The following ADAMTSL1 variants were observed in gnomAD, a reference collection of about 807,000 sequenced individuals.
ADAMTSL1 encodes ADAMTS like 1.
In ADAMTSL1, 126 loss-of-function variants were observed where a neutral mutation model predicts 201.8. That is an observed-to-expected ratio of 0.62 (90% CI 0.54 to 0.72). The LOEUF is 0.72. Ranked by LOEUF, ADAMTSL1 falls within the 30% of genes least tolerant of loss-of-function variation. The pLI is 0.00. For synonymous variants in ADAMTSL1, 1,121 were observed against 903.4 expected (o/e 1.24, Z -4.32); for missense variants, 2,679 against 2,277.8 (o/e 1.18, Z -3.59).
chr9:18,846,065 G>C (rs1325106308), intron 23 of ADAMTSL1, among the ~76,000 whole-genome samples: 1 of 152,108 alleles, frequency 6.6e-6, no homozygotes, highest in Non-Finnish European at 1.5e-5. Context: ...TGTGAGCCAA[G>C]GACACACAGT....
intron 1 of ADAMTSL1, among the ~76,000 whole-genome samples, chr9:18,116,861 C>G (rs1825273413): frequency 6.6e-6 from 1 of 152,144 alleles, no homozygotes; most frequent in African/African-American, 2.4e-5. Flanking sequence ...CTCTGGTATC[C>G]ACCTGTCTTC....
In ADAMTSL1 at chr9:18,777,063, A is replaced by T; in HGVS notation, c.2834A>T (p.Tyr945Phe). 6.2e-7 allele frequency: 1 copy of T among 1,613,276 alleles called. No homozygotes were observed. ...CTCAAGCCCTCGGATGCAGGCGTCT[A>T]CACCTGCTCAGCGGGCCCGGCCCGG... ...HRLKPSDAGVYTCSAGPAREH... is the reference protein window; with the variant it reads ...HRLKPSDAGVFTCSAGPAREH... Residue 945 changes from tyrosine to phenylalanine, a missense_variant, in exon 19 of 29, where the codon TAC (tyrosine) becomes TTC (phenylalanine). Coordinates refer to ENST00000380548, the MANE Select transcript of ADAMTSL1 (RefSeq NM_001040272.6).
At chr9:18,779,818 C>A (rs1384697184) in intron 19 of ADAMTSL1, among the ~76,000 whole-genome samples, 1 of 152,198 alleles carries the variant, frequency 6.6e-6, no homozygotes, top group Admixed American at 6.5e-5. Flanking sequence ...GTACCTATTA[C>A]ACCACTATGA....
intron 13 of ADAMTSL1, among the ~76,000 whole-genome samples, chr9:18,697,345 C>G (rs1392669738): frequency 6.6e-6 from 1 of 152,164 alleles, no homozygotes; most frequent in Admixed American, 6.5e-5. Flanking sequence ...CAAGAAACAT[C>G]TGTATCACCA....
intron 2 of ADAMTSL1, among the ~76,000 whole-genome samples, chr9:18,237,623 G>C (rs1460354361): frequency 6.6e-6 from 1 of 152,124 alleles, no homozygotes; most frequent in Non-Finnish European, 1.5e-5. Flanking sequence ...ACAAATACTT[G>C]ATTTACTTCT....
intron 4 of ADAMTSL1, among the ~76,000 whole-genome samples, chr9:18,591,134 A>G (rs753953051): frequency 6.6e-5 from 10 of 152,018 alleles, no homozygotes; most frequent in Admixed American, 1.3e-4. Context: ...GTGCCCTACT[A>G]TTTTTGTATT....
rs77608341 is a variant in ADAMTSL1 at position 18,057,996 on chromosome 9, G to A, written c.88-105866G>A. On this transcript the variant is annotated intron_variant, in intron 1 of 29. Coordinates refer to the ADAMTSL1 transcript ENST00000680146. ...CATTGTCTGCCTGGCTAGGCTATAA[G>A]TCAGCAGGGAAGGGTAAATCTGCTT... 9.0e-4 allele frequency among the ~76,000 whole-genome samples: 137 copies of A among 152,320 alleles called. 1 individual carries two copies. In the East Asian group the frequency reaches 0.02, roughly 23 times the overall value.
chr9:18,474,316 A>G, intron 1 of ADAMTSL1, 21 bp downstream of exon 1: 1 of 1,613,578 alleles, frequency 6.2e-7, no homozygotes, highest in Non-Finnish European at 8.5e-7. Flanking sequence ...TTTCATTTCA[A>G]TGCATTGCTA....
chr9:18,344,001 TAGTACAA>T (rs1461157243), intron 2 of ADAMTSL1, among the ~76,000 whole-genome samples: 10 of 152,176 alleles, frequency 6.6e-5, no homozygotes, highest in Non-Finnish European at 1.5e-4. Flanking sequence ...TCTTCATCTT[TAGTACAA>T]AGTACTGAAT....
chr9:18,763,165 A>G (rs544659171), intron 16 of ADAMTSL1, among the ~76,000 whole-genome samples: 1 of 152,256 alleles, frequency 6.6e-6, no homozygotes, highest in African/African-American at 2.4e-5. Flanking sequence ...CCTCTCCAGC[A>G]TTTATTATTG....
chr9:18,252,363 T>A (rs1362696949), intron 2 of ADAMTSL1, among the ~76,000 whole-genome samples: 1 of 152,172 alleles, frequency 6.6e-6, no homozygotes, highest in Non-Finnish European at 1.5e-5. Flanking sequence ...CAAAATGAGA[T>A]ACAGTTGCCC....
intron 21 of ADAMTSL1, among the ~76,000 whole-genome samples, chr9:18,819,420 C>T (rs568394011): frequency 3.3e-5 from 5 of 149,766 alleles, no homozygotes; most frequent in East Asian, 3.9e-4. Context: ...CGAACCACTG[C>T]ACTCCAGCCT....
At chr9:18,528,706 A>G (rs1001836084) in intron 2 of ADAMTSL1, among the ~76,000 whole-genome samples, 1 of 152,108 alleles carries the variant, frequency 6.6e-6, no homozygotes, top group Non-Finnish European at 1.5e-5. Context: ...AATATATTCT[A>G]ATACTTATAT....
chr9:18,301,361 A>G (rs1403561830), intron 2 of ADAMTSL1, among the ~76,000 whole-genome samples: 1 of 152,210 alleles, frequency 6.6e-6, no homozygotes, highest in Non-Finnish European at 1.5e-5. Flanking sequence ...TTGATGAATC[A>G]GGAGATTGCG....
intron 1 of ADAMTSL1, among the ~76,000 whole-genome samples, chr9:18,109,155 T>G (rs747668530): frequency 2.6e-4 from 39 of 152,196 alleles, no homozygotes; most frequent in Non-Finnish European, 5.0e-4. Context: ...TCGCCTAATT[T>G]GAAGTTTGTT....
chr9:18,455,656 G>C (rs1281034883), intron 2 of ADAMTSL1, among the ~76,000 whole-genome samples: 1 of 152,066 alleles, frequency 6.6e-6, no homozygotes, highest in African/African-American at 2.4e-5. Context: ...CTCTTCAGCT[G>C]ATCTAAACAG....
At chr9:18,883,936 A>C (rs1162768038) in intron 23 of ADAMTSL1, among the ~76,000 whole-genome samples, 1 of 152,194 alleles carries the variant, frequency 6.6e-6, no homozygotes, top group Non-Finnish European at 1.5e-5. Flanking sequence ...TATACCCTAA[A>C]GTGGAATTGC....
intron 15 of ADAMTSL1, among the ~76,000 whole-genome samples, chr9:18,743,524 T>C (rs533965753): frequency 6.6e-6 from 1 of 152,288 alleles, no homozygotes; most frequent in African/African-American, 2.4e-5. Flanking sequence ...TGTGGCAAAT[T>C]GGCGTGGCCA....
intron 2 of ADAMTSL1, among the ~76,000 whole-genome samples, chr9:18,219,661 A>G (rs1024208022): frequency 1.3e-5 from 2 of 152,190 alleles, no homozygotes; most frequent in African/African-American, 2.4e-5. Context: ...CCCAGCCTAT[A>G]TGTACATTTA....
Sources: gnomAD v4.1 joint callset for allele counts (sites outside exome capture counted in the v4.1 genomes callset) on GRCh38, gnomAD v4.1.1 for gene constraint, MANE v1.5 for transcripts, NCBI Gene and HGNC (gene_info 2026-07-23, HGNC 2026-07-21) for gene names.